Variants in LRP1B observed in about 807,000 individuals in gnomAD.
LRP1B encodes low-density lipoprotein receptor-related protein 1B.
LRP1B carries 217 observed loss-of-function variants against 556.6 expected under a neutral mutation model. That is an observed-to-expected ratio of 0.39 (90% CI 0.35 to 0.44). The LOEUF (loss-of-function observed/expected upper bound fraction) is 0.44. Ranked by LOEUF, LRP1B falls within the 20% of genes least tolerant of loss-of-function variation. LRP1B has a pLI of 1.00. For synonymous variants in LRP1B, 2,047 were observed against 1,865.8 expected, an observed-to-expected ratio of 1.10 and a Z score of -2.50; for missense variants, 5,053 against 5,620.8, an observed-to-expected ratio of 0.90 and a Z score of 3.23.
At chr2:141,797,146 C>CATATATATATATAT (rs6146945) in intron 2 of LRP1B, among the ~76,000 whole-genome samples, 12 of 79,086 alleles carry the variant, frequency 1.5e-4, no homozygotes, top group Admixed American at 1.5e-4. Flanking sequence ...TGAAAATAAT[C>CATATATATATATAT]ATATATATAT....
chr2:141,968,955 C>CT (rs970221396), intron 1 of LRP1B, among the ~76,000 whole-genome samples: 41 of 151,334 alleles, frequency 2.7e-4, no homozygotes, highest in African/African-American at 6.3e-4. Context: ...TTCTTTTTTT[C>CT]TTTTTTTTAA....
chr2:140,491,016 A>G (rs1298860145), intron 57 of LRP1B, among the ~76,000 whole-genome samples: 1 of 152,172 alleles, frequency 6.6e-6, no homozygotes, highest in Non-Finnish European at 1.5e-5. Context: ...TTTTTTTAAA[A>G]AAAGAGCATT....
At chr2:140,442,655 T>C (rs1259130627) in intron 65 of LRP1B, 32 bp from the exon 66 acceptor site, 5 of 1,607,058 alleles carry the variant, frequency 3.1e-6, no homozygotes, top group Admixed American at 3.4e-5. Flanking sequence ...AAAATGTAGC[T>C]TTGGAGAACA....
intron 2 of LRP1B, among the ~76,000 whole-genome samples, chr2:141,795,067 T>A (rs948200983): frequency 1.5e-4 from 23 of 152,082 alleles, no homozygotes; most frequent in Non-Finnish European, 1.5e-4. Context: ...AGAGATTATT[T>A]TTTAGGTTGT....
intron 43 of LRP1B, among the ~76,000 whole-genome samples, chr2:140,552,613 G>T (rs1680585380): frequency 6.6e-6 from 1 of 152,040 alleles, no homozygotes; most frequent in Admixed American, 6.6e-5. Context: ...AAAAGTTCAT[G>T]AATGCTGCCC....
chr2:141,458,898 G>C (rs1342988449), intron 3 of LRP1B, among the ~76,000 whole-genome samples: 1 of 152,110 alleles, frequency 6.6e-6, no homozygotes, highest in Non-Finnish European at 1.5e-5. Flanking sequence ...GAATGTCTCA[G>C]ACTGAAAAAT....
chr2:140,334,018 A>G (rs1680947850), intron 79 of LRP1B, among the ~76,000 whole-genome samples: 1 of 151,418 alleles, frequency 6.6e-6, no homozygotes, highest in African/African-American at 2.4e-5. Flanking sequence ...AACAAAACAA[A>G]ACAAAAAAAA....
At chr2:141,690,402 T>TAAAA (rs201428219) in intron 2 of LRP1B, among the ~76,000 whole-genome samples, 6 of 30,984 alleles carry the variant, frequency 1.9e-4, no homozygotes, top group African/African-American at 5.9e-4. Context: ...TATAAATATA[T>TAAAA]ATATATATAT....
chr2:140,724,260 G>A (rs1443789907), intron 35 of LRP1B, among the ~76,000 whole-genome samples: 7 of 152,086 alleles, frequency 4.6e-5, no homozygotes, highest in Admixed American at 4.6e-4. Context: ...CAAGAAGGGA[G>A]GATTGCTTGA....
intron 7 of LRP1B, among the ~76,000 whole-genome samples, chr2:141,106,428 AAAAT>A (rs1388472657): frequency 1.3e-5 from 2 of 152,190 alleles, no homozygotes; most frequent in African/African-American, 2.4e-5. Flanking sequence ...TACAGATTTA[AAAAT>A]AAATAAATAA....
intron 32 of LRP1B, among the ~76,000 whole-genome samples, chr2:140,803,268 T>G (rs76852956): frequency 0.49 from 61,140 of 123,990 alleles, 16,050 homozygotes; most frequent in East Asian, 0.68. Flanking sequence ...AAGTTTTTTT[T>G]TTTTTTTTTT....
At chr2:140,933,346 C>T (rs531361673) in intron 20 of LRP1B, among the ~76,000 whole-genome samples, 1 of 152,164 alleles carries the variant, frequency 6.6e-6, no homozygotes, top group South Asian at 2.1e-4. Flanking sequence ...TTTATTATCA[C>T]AAAAGCAGGG....
At chr2:141,794,799 TTCTTAAAACTGTCC>T (rs1384966681) in intron 2 of LRP1B, among the ~76,000 whole-genome samples, 1 of 152,040 alleles carries the variant, frequency 6.6e-6, no homozygotes, top group Non-Finnish European at 1.5e-5. Context: ...AAAAGAATAA[TTCTTAAAACTGTCC>T]TCAGGAAATT....
At chr2:140,540,253 T>C (rs10496846) in intron 45 of LRP1B, among the ~76,000 whole-genome samples, 74,655 of 151,910 alleles carry the variant, frequency 0.49, 18,658 homozygotes, top group South Asian at 0.59. Flanking sequence ...ATGATTTCAC[T>C]GATTTCCAAC....
chr2:142,086,642 A>AAC (rs757316208), intron 1 of LRP1B, among the ~76,000 whole-genome samples: 248 of 11,420 alleles, frequency 0.022, 1 homozygote, highest in Non-Finnish European at 0.039. Context: ...CAAACAAACA[A>AAC]AAAAAAAACA....
At chr2:141,122,683 A>T (rs954901469) in intron 7 of LRP1B, among the ~76,000 whole-genome samples, 8 of 152,168 alleles carry the variant, frequency 5.3e-5, no homozygotes, top group Non-Finnish European at 1.5e-5. Flanking sequence ...ATTGTGGAAG[A>T]CAGTGTGGCG....
At chr2:141,575,736 T>A (rs1574095812) in intron 2 of LRP1B, among the ~76,000 whole-genome samples, 1 of 148,422 alleles carries the variant, frequency 6.7e-6, no homozygotes, top group East Asian at 2.1e-4. Flanking sequence ...ATAATGAACT[T>A]AAACAATATT....
chr2:141,525,955 A>C (rs1684682753), intron 2 of LRP1B, among the ~76,000 whole-genome samples: 1 of 152,082 alleles, frequency 6.6e-6, no homozygotes, highest in African/African-American at 2.4e-5. Flanking sequence ...TGAATCTGCC[A>C]GCCCTAATAC....
Position 140,492,061 on chromosome 2 carries a change from C to T in LRP1B, c.9120+547G>A, listed in dbSNP as rs11888220. Reference sequence around the variant, plus strand: ...ACTTTTCTGTTTTTTTCCTGAGTAGCCAGAAATCTGGATTTTCATCTGACG... The same window carrying T: ...ACTTTTCTGTTTTTTTCCTGAGTAGTCAGAAATCTGGATTTTCATCTGACG... On this transcript the variant is annotated intron_variant, in intron 57 of 90. Coordinates refer to ENST00000389484, the MANE Select transcript of LRP1B (RefSeq NM_018557.3). Among the ~76,000 whole-genome samples the T allele has an allele frequency of 7.0e-3, 1,061 of 152,144 alleles. 14 individuals are homozygous for T. The highest frequency in any genetic ancestry group is 0.024 in the African/African-American group (1,002 of 41,508).
Sources: allele counts gnomAD v4.1 joint callset (sites outside exome capture counted in the v4.1 genomes callset), GRCh38; gene constraint gnomAD v4.1.1; transcripts MANE v1.5; gene names NCBI Gene and HGNC (gene_info 2026-07-23, HGNC 2026-07-21).